MYO19: variants seen among roughly 807,000 people sequenced by gnomAD.
MYO19 encodes the protein myosin XIX, also known as unconventional myosin-XIX.
MYO19 carries 132 observed loss-of-function variants against 129.2 expected under a neutral mutation model. That is an observed-to-expected ratio of 1.02 (90% confidence interval 0.89 to 1.18). MYO19 has a LOEUF of 1.18. Among genes scored for constraint, MYO19 ranks in the 50% most tolerant of loss-of-function variants. The pLI is 0.00. For synonymous variants in MYO19, 531 were observed against 477.2 expected, an observed-to-expected ratio of 1.11 and a Z score of -1.47; for missense variants, 1,210 against 1,216.7, an observed-to-expected ratio of 0.99 and a Z score of 0.08.
intron 8 of MYO19, 127 bp downstream of exon 8, chr17:36,514,985 GT>G (rs1314890229): frequency 1.3e-6 from 1 of 748,482 alleles, no homozygotes; most frequent in Admixed American, 2.8e-5. Flanking sequence ...CACACCTGAG[GT>G]AAAGGGCATG....
chr17:36,500,932 G>A lies in MYO19; in HGVS notation c.2275C>T (p.Arg759Trp), dbSNP rs374876861. 3.0e-4 allele frequency: 483 copies of A among 1,611,346 alleles called. 3 individuals are homozygous for A. In the South Asian group the frequency reaches 4.8e-3, roughly 16 times the overall value. ...CAGCGGGCACACTGCTCCAGCACCC[G>A]GGCACGCCCACATTCCAGAAGCTCC... ...MLELLECGRA[R>W]VLEQCARCIQ... Residue 759 changes from arginine (R) to tryptophan (W), a missense_variant, in exon 23 of 26, where the codon CGG (arginine) becomes TGG (tryptophan). Physicochemically the swap from Arg to Trp is moderately radical, Grantham distance 101. Coordinates refer to ENST00000614623, the MANE Select transcript of MYO19 (RefSeq NM_001163735.2).
chr17:36,538,217 C>G (rs772740314), upstream of MYO19: 1 of 1,613,082 alleles, frequency 6.2e-7, no homozygotes, highest in South Asian at 1.1e-5. Context: ...CAAATTTAGC[C>G]TTTTGTATTT....
chr17:36,498,016 G>A (rs560903611), intron 25 of MYO19: 7 of 504,634 alleles, frequency 1.4e-5, no homozygotes, highest in Admixed American at 3.5e-5. Context: ...AATGGGACTA[G>A]AAGATTTAGA....
intron 6 of MYO19, among the ~76,000 whole-genome samples, chr17:36,518,503 A>G (rs1389349302): frequency 4.5e-5 from 2 of 44,040 alleles, no homozygotes; most frequent in Non-Finnish European, 9.6e-5. Flanking sequence ...AAAAAAAAAA[A>G]AAAAAAAAAA....
chr17:36,511,334 G>A (rs369356378), intron 12 of MYO19, 31 bp downstream of exon 12: 38 of 1,555,362 alleles, frequency 2.4e-5, no homozygotes, highest in Non-Finnish European at 3.2e-5. Context: ...TTCCTGACAG[G>A]GCCTGCCCCA....
In MYO19 at chr17:36,510,838, C is replaced by T. The variant is rs1446199951; in HGVS notation, c.1065G>A (p.Arg355=). ...GGAACACCTGCTGCTGTCTGCCTGC[C>T]CTGATGGTTCTAATCTGCACCATCT... ...LLEMVQIRTI[R]AGRQQQVFRK... The change falls in exon 13 of 26, where the codon AGG becomes AGA. Residue 355 remains arginine (R), a synonymous_variant. Coordinates refer to ENST00000614623, the MANE Select transcript of MYO19 (RefSeq NM_001163735.2). The T allele has an allele frequency of 1.9e-6, 3 of 1,581,552 alleles. No homozygotes were observed. The highest frequency in any genetic ancestry group is 1.7e-6 in the Non-Finnish European group (2 of 1,163,870).
intron 6 of MYO19, 43 bp from the exon 7 acceptor site, chr17:36,516,033 G>A (rs532464757): frequency 6.6e-5 from 104 of 1,566,408 alleles, no homozygotes; most frequent in Non-Finnish European, 8.5e-5. Context: ...CTATGCTCCC[G>A]CCCACTTCTG....
At chr17:36,513,346 A>G (rs1450639243) in intron 11 of MYO19, 83 bp downstream of exon 11, 2 of 1,611,478 alleles carry the variant, frequency 1.2e-6, no homozygotes, top group Non-Finnish European at 1.7e-6. Context: ...GGGAAAGACC[A>G]ACTCCAAGTC....
chr17:36,514,754 G>A (rs1231139250), intron 8 of MYO19, among the ~76,000 whole-genome samples: 1 of 152,230 alleles, frequency 6.6e-6, no homozygotes, highest in East Asian at 1.9e-4. Flanking sequence ...GGTGGGCAGG[G>A]CCAAGGCCTC....
At chr17:36,522,594 G>C (rs140483297) in intron 6 of MYO19, among the ~76,000 whole-genome samples, 263 of 152,210 alleles carry the variant, frequency 1.7e-3, no homozygotes, top group African/African-American at 6.2e-3. Flanking sequence ...TGGAGACTAG[G>C]CGTGGTGGCT....
At chr17:36,544,213 A>G (rs535951546), upstream of MYO19, among the ~76,000 whole-genome samples, 61 of 152,352 alleles carry the variant, frequency 4.0e-4, no homozygotes, top group African/African-American at 1.4e-3. Context: ...CAAGACGCAC[A>G]CACACACACC....
intron 11 of MYO19, among the ~76,000 whole-genome samples, chr17:36,512,503 GCCACAA>G: frequency 6.6e-6 from 1 of 152,128 alleles, no homozygotes; most frequent in African/African-American, 2.4e-5. Context: ...TGGTCTTCCG[GCCACAA>G]CTTGCTCCAG....
rs1479954077 is a variant in MYO19, at chr17:36,498,744, T to G, written c.2464-185A>C. ...CACAAGTCTATACACCCCAGGCAACTGTGCTTAGGCCTTACATATGCTACT... is the reference window on the plus strand; with the variant it reads ...CACAAGTCTATACACCCCAGGCAACGGTGCTTAGGCCTTACATATGCTACT... On this transcript the variant is annotated intron_variant, in intron 24 of 25. Coordinates refer to ENST00000614623, the MANE Select transcript of MYO19 (RefSeq NM_001163735.2). 4 of 640,480 alleles carry G rather than the reference T, an allele frequency of 6.2e-6. 1 individual carries two copies. The highest frequency in any genetic ancestry group is 3.7e-5 in the African/African-American group (2 of 54,656). 39.7% of individuals were successfully genotyped at this position (640,480 alleles called of 1,614,324 possible). A position where few individuals can be genotyped will look rare whatever the true frequency, so the allele number is the denominator to read the frequency against.
chr17:36,540,496 G>A lies in MYO19; in HGVS notation n.395+1585C>T, dbSNP rs1049788533. 7.3e-5 allele frequency among the ~76,000 whole-genome samples: 11 copies of A among 150,784 alleles called. No individual in the cohort carries two copies. The East Asian group carries it at 1.4e-3, about 19-fold the overall frequency. On this transcript the variant is annotated intron_variant and non_coding_transcript_variant, in intron 2 of 2. Transcript: ENST00000610496. ...AGCAATTCTTCTGCCTCAGCCTCCCGAGGAGCTGGGATTACAGGCACACGC... is the reference window on the plus strand; with the variant it reads ...AGCAATTCTTCTGCCTCAGCCTCCCAAGGAGCTGGGATTACAGGCACACGC...
At chr17:36,525,800 T>C (rs559420077) in intron 5 of MYO19, among the ~76,000 whole-genome samples, 3 of 152,332 alleles carry the variant, frequency 2.0e-5, no homozygotes, top group Admixed American at 2.0e-4. Context: ...GTGATTTAAA[T>C]TCCAAAGCCA....
At chr17:36,523,043 TGA>T (rs2142280254) in intron 6 of MYO19, among the ~76,000 whole-genome samples, 1 of 147,098 alleles carries the variant, frequency 6.8e-6, no homozygotes, top group South Asian at 2.2e-4. Flanking sequence ...AAAACTTTGC[TGA>T]GTGTGGTGGT....
chr17:36,505,038 T>A, intron 19 of MYO19: 1 of 686,160 alleles, frequency 1.5e-6, no homozygotes, highest in Non-Finnish European at 2.7e-6. Context: ...GCAGTTTCAG[T>A]CTCTCATCAG....
At chr17:36,527,198 A>G (rs2073524970) in intron 5 of MYO19, among the ~76,000 whole-genome samples, 1 of 152,016 alleles carries the variant, frequency 6.6e-6, no homozygotes, top group Admixed American at 6.5e-5. Context: ...AAATAATAAT[A>G]AAAAATAAAA....
At position 36,499,123 on chromosome 17, in the gene MYO19, C is replaced by A; in HGVS notation, c.2415G>T (p.Arg805Ser). ...TGATGACTGTGGCAGCTGCATGCAGCCTCTGGATGTGTTTCCGAGTTAACC... is the reference window on the plus strand; with the variant it reads ...TGATGACTGTGGCAGCTGCATGCAGACTCTGGATGTGTTTCCGAGTTAACC... ...RSWLTRKHIQ[R>S]LHAAATVIKR... Residue 805 changes from arginine to serine, a missense_variant, in exon 24 of 26, where the codon AGG (arginine) becomes AGT (serine). Arg to Ser is a moderately radical substitution (Grantham distance 110, BLOSUM62 -1). Coordinates refer to ENST00000614623, the MANE Select transcript of MYO19 (RefSeq NM_001163735.2). 6.2e-7 allele frequency: 1 copy of A among 1,610,230 alleles called. No individual in the cohort carries two copies. Among genetic ancestry groups the A allele is most frequent in the Admixed American group, 1.7e-5 (1 of 59,644 alleles).
Sources: allele counts gnomAD v4.1 joint callset (sites outside exome capture counted in the v4.1 genomes callset), GRCh38; gene constraint gnomAD v4.1.1; transcripts MANE v1.5; gene names NCBI Gene and HGNC (gene_info 2026-07-23, HGNC 2026-07-21).